Variants in LAMA5 observed in about 807,000 individuals in gnomAD.
LAMA5 encodes laminin subunit alpha-5.
Under a neutral mutation model 433.4 loss-of-function variants are expected in LAMA5, and 260 were observed. The ratio of observed to expected loss-of-function variants is 0.60; its 90% confidence interval spans 0.54 to 0.66. The LOEUF is 0.66. Among genes scored for constraint, LAMA5 ranks in the 30% least tolerant of loss-of-function variants. The pLI, the probability that LAMA5 is intolerant of heterozygous loss-of-function variation, is 0.00. For synonymous variants in LAMA5, 2,620 were observed against 2,226.6 expected (o/e 1.18, Z -4.97); for missense variants, 5,378 against 5,258.5 (o/e 1.02, Z -0.70).
chr20:62,364,169 C>T (rs536305323), intron 1 of LAMA5, among the ~76,000 whole-genome samples: 1 of 152,302 alleles, frequency 6.6e-6, no homozygotes. Context: ...GACCCCTACC[C>T]GCAGGCCGCA....
chr20:62,333,554 C>T lies in LAMA5; in HGVS notation c.3021+10G>A, dbSNP rs1328330257. On this transcript the variant is annotated intron_variant, in intron 24 of 79. Transcript: ENST00000252999. ...CCGGCCCCCAGCCCTCACTCTGGCCCCTGCCTCACCAGGAGCACCCCTTCG... is the reference window on the plus strand; with the variant it reads ...CCGGCCCCCAGCCCTCACTCTGGCCTCTGCCTCACCAGGAGCACCCCTTCG... 1.9e-6 allele frequency: 3 copies of T among 1,565,460 alleles called. No homozygotes were observed. The highest frequency in any genetic ancestry group is 3.8e-5 in the Admixed American group (2 of 52,920).
chr20:62,331,124 C>A lies in LAMA5; in HGVS notation c.3558G>T (p.Gly1186=). 1 of 1,577,746 alleles carries A rather than the reference C, an allele frequency of 6.3e-7. No homozygotes were observed. The highest frequency in any genetic ancestry group is 8.6e-7 in the Non-Finnish European group (1 of 1,161,344). ...ACTCCTCAATGGGCACCAGAGTGAC[C>A]CCGTGCTGCAGGCAGAGGGACGAGA... ...TAEQARFFLH[G]VTLVPIEEFS... The change falls in exon 29 of 80, where the codon GGG becomes GGT. Residue 1186 remains glycine, a synonymous_variant. Transcript: ENST00000252999.
intron 9 of LAMA5, 129 bp from the exon 10 acceptor site, chr20:62,346,344 G>C: frequency 7.1e-7 from 1 of 1,399,098 alleles, no homozygotes; most frequent in South Asian, 1.4e-5. Context: ...CCCCCTGGGG[G>C]GACATGAGGG....
Position 62,317,425 on chromosome 20 carries a change from C to T in LAMA5, c.7431G>A (p.Pro2477=), listed in dbSNP as rs767814375. 2.5e-5 allele frequency: 40 copies of T among 1,606,044 alleles called. No homozygotes were observed. Among genetic ancestry groups the T allele is most frequent in the Middle Eastern group, 3.3e-4 (2 of 6,040 alleles). Residue 2477 remains proline (P), a synonymous_variant, in exon 55 of 80, where the codon CCG becomes CCA. Coordinates refer to ENST00000252999, the MANE Select transcript of LAMA5 (RefSeq NM_005560.6). ...CCACTAGACGCAGCTTGCTGCCCGC[C>T]GGGGAGAAGGTCTGCATCCTCTGCA... ...PLLQRMQTFS[P]AGSKLRLVEA...
intron 45 of LAMA5, among the ~76,000 whole-genome samples, 160 bp downstream of exon 45, chr20:62,323,296 G>A (rs1568922994): frequency 1.3e-5 from 2 of 151,838 alleles, no homozygotes; most frequent in Middle Eastern, 3.4e-3. Context: ...ATCATAGCGG[G>A]GGAGAAAGGG....
At position 62,334,011 on chromosome 20, in the gene LAMA5, G is replaced by T; in HGVS notation, c.2768C>A (p.Thr923Asn). ...QPRIVARLNLTSPDLFWLVFR... is the reference protein window; with the variant it reads ...QPRIVARLNLNSPDLFWLVFR... ...GACGAGCCAGAAAAGGTCAGGGGAG[G>T]TCAGGTTCAGCCTGGCCACGATCCT... Residue 923 changes from threonine to asparagine, a missense_variant, in exon 23 of 80, where the codon ACC becomes AAC. Physicochemically the swap from Thr to Asn is moderately conservative, Grantham distance 65. Coordinates refer to ENST00000252999, the MANE Select transcript of LAMA5 (RefSeq NM_005560.6). 6.2e-7 allele frequency: 1 copy of T among 1,612,988 alleles called. No individual in the cohort carries two copies. The highest frequency in any genetic ancestry group is 8.5e-7 in the Non-Finnish European group (1 of 1,179,842).
chr20:62,312,253 G>A lies in LAMA5; in HGVS notation c.9424C>T (p.Pro3142Ser). Residue 3142 changes from proline (P) to serine (S), a missense_variant, in exon 69 of 80, where the codon CCG becomes TCG. By Grantham distance (74) the Pro-to-Ser change is moderately conservative. Transcript: ENST00000252999. Reference sequence around the variant, plus strand: ...CCGGAGTAGACGTTGCCAGTGAGCGGTGCCACGTTCGAGAGCGCCAGGCGA... The same window carrying A: ...CCGGAGTAGACGTTGCCAGTGAGCGATGCCACGTTCGAGAGCGCCAGGCGA... ...FLRLALSNVAPLTGNVYSGFG... is the reference protein window; with the variant it reads ...FLRLALSNVASLTGNVYSGFG... The A allele has an allele frequency of 6.2e-7, 1 of 1,611,282 alleles. No homozygotes were observed. The highest frequency in any genetic ancestry group is 2.2e-5 in the East Asian group (1 of 44,812).
At chr20:62,340,434 C>A (rs1982423744) in intron 11 of LAMA5, among the ~76,000 whole-genome samples, 1 of 151,518 alleles carries the variant, frequency 6.6e-6, no homozygotes. Context: ...GCCTCAGCCT[C>A]CCGAGTAGCT....
In LAMA5 at chr20:62,331,092, G is replaced by T; in HGVS notation, c.3590C>A (p.Pro1197Gln). 6.2e-7 allele frequency: 1 copy of T among 1,603,762 alleles called. No individual in the cohort carries two copies. Among genetic ancestry groups the T allele is most frequent in the East Asian group, 2.2e-5 (1 of 44,652 alleles). Residue 1197 changes from proline to glutamine, a missense_variant, in exon 29 of 80, where the codon CCG (proline) becomes CAG (glutamine). Physicochemically the swap from Pro to Gln is moderately conservative, Grantham distance 76. Coordinates refer to ENST00000252999, the MANE Select transcript of LAMA5 (RefSeq NM_005560.6). ...GCTGACCCGGGGCTCCACGAACTCC[G>T]GGCTGAACTCCTCAATGGGCACCAG... is the stretch of plus-strand genomic sequence containing the variant. Reference protein sequence around the residue: ...VTLVPIEEFSPEFVEPRVSCI... With the variant: ...VTLVPIEEFSQEFVEPRVSCI...
rs748524288 is a variant in LAMA5 at position 62,338,330 on chromosome 20, C to T, written c.1658G>A (p.Cys553Tyr). Residue 553 changes from cysteine (C) to tyrosine (Y), a missense_variant, in exon 13 of 80, where the codon TGT (cysteine) becomes TAT (tyrosine). Physicochemically the swap from Cys to Tyr is radical, Grantham distance 194 (BLOSUM62 -2). Transcript: ENST00000252999. ...CCTGCACTGGCCTGTGTCAGGGTCA[C>T]AGCGGTCATCGGCCACTCCAGGGCT... ...CSSPGVADDR[C>Y]DPDTGQCRCR... is the part of the protein sequence containing the mutation. 3 of 1,608,696 alleles carry T rather than the reference C, an allele frequency of 1.9e-6. No homozygotes were observed. Among genetic ancestry groups the T allele is most frequent in the Non-Finnish European group, 1.7e-6 (2 of 1,177,922 alleles).
In LAMA5 at chr20:62,318,469, G is replaced by A. The variant is rs762857290; in HGVS notation, c.7224C>T (p.Arg2408=). 51 of 1,605,164 alleles carry A rather than the reference G, an allele frequency of 3.2e-5. No individual in the cohort carries two copies. The highest frequency in any genetic ancestry group is 4.2e-5 in the Non-Finnish European group (50 of 1,178,118). ...GGGTCCTCACCAGGGCTTCCTCCAG[G>A]CGCTCCTGGTTGCGGCTGTTGAGCT... ...AQELNSRNQE[R]LEEALQRKQE... is the part of the protein sequence containing the mutation. Residue 2408 remains arginine (R), a synonymous_variant, in exon 53 of 80, where the codon CGC becomes CGT. Coordinates refer to ENST00000252999, the MANE Select transcript of LAMA5 (RefSeq NM_005560.6).
At chr20:62,353,579 G>A (rs887973731) in intron 2 of LAMA5, among the ~76,000 whole-genome samples, 33 of 152,180 alleles carry the variant, frequency 2.2e-4, no homozygotes, top group African/African-American at 8.0e-4. Flanking sequence ...TGCAGATGGA[G>A]CAAGCTAGGG....
At position 62,312,260 on chromosome 20, in the gene LAMA5, G is replaced by A. The variant is rs974592009; in HGVS notation, c.9417C>T (p.Asn3139=). 20 of 1,611,070 alleles carry A rather than the reference G, an allele frequency of 1.2e-5. No homozygotes were observed. Among genetic ancestry groups the A allele is most frequent in the Admixed American group, 3.3e-5 (2 of 59,784 alleles). ...AGACGTTGCCAGTGAGCGGTGCCAC[G>A]TTCGAGAGCGCCAGGCGAAGGAAGC... ...GHGFLRLALS[N]VAPLTGNVYS... Residue 3139 remains asparagine (N), a synonymous_variant, in exon 69 of 80, where the codon AAC becomes AAT. Coordinates refer to ENST00000252999, the MANE Select transcript of LAMA5 (RefSeq NM_005560.6).
Position 62,309,819 on chromosome 20 carries a change from A to G in LAMA5, c.10845T>C (p.Asn3615=). ...WHRLAVMKSG[N]VLRLEVDAQS... ...GCGCGTCCACCTCCAGCCGGAGCAC[A>G]TTCCCGCTTTTCATCACTGGGAGAA... Residue 3615 remains asparagine (N), a synonymous_variant, in exon 79 of 80, where the codon AAT becomes AAC. Transcript: ENST00000252999. 3.7e-6 allele frequency: 6 copies of G among 1,611,584 alleles called. No homozygotes were observed. Among genetic ancestry groups the G allele is most frequent in the Non-Finnish European group, 5.1e-6 (6 of 1,179,562 alleles).
At chr20:62,334,955 T>C in intron 20 of LAMA5, 66 bp downstream of exon 20, 1 of 1,486,586 alleles carries the variant, frequency 6.7e-7, no homozygotes. Flanking sequence ...CTCCGGGCCT[T>C]GGGTTCCCCA....
At chr20:62,350,869 G>A (rs901430490) in intron 6 of LAMA5, 2 of 152,310 alleles carry the variant, frequency 1.3e-5, no homozygotes, top group Non-Finnish European at 2.9e-5. Context: ...CCAGGAAAAC[G>A]GCCCAGCGTG....
At chr20:62,345,060 C>A (rs1983143664) in intron 11 of LAMA5, among the ~76,000 whole-genome samples, 1 of 152,190 alleles carries the variant, frequency 6.6e-6, no homozygotes, top group Admixed American at 6.5e-5. Flanking sequence ...CTCTGTTGCC[C>A]AGGCGGGGGT....
chr20:62,358,258 C>T (rs558223320), intron 2 of LAMA5, among the ~76,000 whole-genome samples: 3 of 152,242 alleles, frequency 2.0e-5, no homozygotes, highest in South Asian at 4.1e-4. Context: ...TTCCAGGACA[C>T]GTAGAGGGAG....
chr20:62,310,864 A>G, intron 74 of LAMA5, 35 bp from the exon 75 acceptor site: 1 of 1,601,524 alleles, frequency 6.2e-7, no homozygotes, highest in Non-Finnish European at 8.5e-7. Context: ...TAGGGCTGCC[A>G]GGCCCTGCCC....
Sources: allele counts gnomAD v4.1 joint callset (sites outside exome capture counted in the v4.1 genomes callset), GRCh38; gene constraint gnomAD v4.1.1; transcripts MANE v1.5; gene names NCBI Gene and HGNC (gene_info 2026-07-23, HGNC 2026-07-21).